The following RTN4RL1 variants were observed in gnomAD, a reference collection of about 807,000 sequenced individuals.
RTN4RL1 encodes the protein reticulon-4 receptor-like 1.
In RTN4RL1, 7 loss-of-function variants were observed where a neutral mutation model predicts 25.6. That is an observed-to-expected ratio of 0.27 (90% CI 0.16 to 0.51). RTN4RL1 has a LOEUF of 0.51. RTN4RL1 is among the 20% of genes least tolerant of loss of function. The pLI is 0.97. For missense variants in RTN4RL1, 500 were observed against 615.6 expected, an observed-to-expected ratio of 0.81 and a Z score of 1.99; for synonymous variants, 297 against 288.2, an observed-to-expected ratio of 1.03 and a Z score of -0.31.
rs61660812 is a variant in RTN4RL1 at position 1,950,846 on chromosome 17, C to CAAA, written c.14-13041_14-13039dup. Among the ~76,000 whole-genome samples the CAAA allele has an allele frequency of 1.2e-3, 21 of 17,798 alleles. 3 individuals are homozygous for CAAA. Among genetic ancestry groups the CAAA allele is most frequent in the African/African-American group, 1.9e-3 (12 of 6,232 alleles). The allele number at this position is 17,798 out of a possible 152,430, so 11.7% of individuals were successfully genotyped here. ...GGGCGACAGAGTGAGACACAGTCTCCAAAAAAAAAAAAAAAAAAAAAAAAA... is the reference window on the plus strand; with the variant it reads ...GGGCGACAGAGTGAGACACAGTCTCCAAAAAAAAAAAAAAAAAAAAAAAAAAAA... On this transcript the variant is annotated intron_variant, in intron 1 of 1. Transcript: ENST00000331238.
At position 2,025,022 on chromosome 17, in the gene RTN4RL1, G is replaced by A; in HGVS notation, c.-157C>T. The A allele has an allele frequency of 1.5e-6, 1 of 680,644 alleles. No homozygotes were observed. Among genetic ancestry groups the A allele is most frequent in the Admixed American group, 3.3e-5 (1 of 30,658 alleles). 42.2% of individuals were successfully genotyped at this position (680,644 alleles called of 1,614,324 possible). On this transcript the variant is annotated 5_prime_UTR_variant, in exon 1 of 2. Coordinates refer to ENST00000331238, the MANE Select transcript of RTN4RL1 (RefSeq NM_178568.4). This position sits in a 1 kb window ranked among gnomAD's most constrained non-coding sequence, Gnocchi z 4.8. ...TGCCCGGTGGCCCGGCCCCGCAGGGGCATGGTGAGCTCCAGCCCCGCGCCG... is the reference window on the plus strand; with the variant it reads ...TGCCCGGTGGCCCGGCCCCGCAGGGACATGGTGAGCTCCAGCCCCGCGCCG...
At chr17:1,992,168 T>G (rs1372743047) in intron 1 of RTN4RL1, among the ~76,000 whole-genome samples, 1 of 151,684 alleles carries the variant, frequency 6.6e-6, no homozygotes, top group Non-Finnish European at 1.5e-5. Flanking sequence ...AACGAGACCA[T>G]CCTGGCTAAC....
At position 1,991,455 on chromosome 17, in the gene RTN4RL1, AAAAAAAAAC is replaced by A. The variant is rs1034423062; in HGVS notation, c.13+33389_13+33397del. 4.1e-5 allele frequency among the ~76,000 whole-genome samples: 6 copies of A among 144,590 alleles called. No homozygotes were observed. In the South Asian group the frequency reaches 8.8e-4, roughly 21 times the overall value. The allele number at this position is 144,590 out of a possible 152,430, so 94.9% of individuals were successfully genotyped here. ...TAATACATGCACATAGTAAAAAAAA[AAAAAAAAAC>A]AAAAAAAAACTTCAAAGAACACAAA... On this transcript the variant is annotated intron_variant, in intron 1 of 1. Transcript: ENST00000331238.
intron 1 of RTN4RL1, among the ~76,000 whole-genome samples, chr17:1,983,781 A>G (rs1023700559): frequency 2.6e-5 from 4 of 152,016 alleles, no homozygotes; most frequent in South Asian, 2.1e-4. Flanking sequence ...GGCTCAAGCA[A>G]TCCTCCCACC....
chr17:2,018,401 G>T (rs1160954038), intron 1 of RTN4RL1, among the ~76,000 whole-genome samples: 1 of 152,220 alleles, frequency 6.6e-6, no homozygotes, highest in Admixed American at 6.5e-5. Flanking sequence ...GACACCGGGG[G>T]AGAGGGAGTA....
Position 1,937,806 on chromosome 17 carries a change from A to G in RTN4RL1, c.16T>C (p.Cys6Arg), listed in dbSNP as rs1228214533. Reference protein sequence around the residue: MLRKGCCVELLLLLVA... With the variant: MLRKGRCVELLLLLVA... ...AACAGCAGCAGCAACTCCACACAGC[A>G]CCCTGGCAGGGAGAGAGAGCACAGC... Residue 6 changes from cysteine to arginine, a missense_variant and splice_region_variant, in exon 2 of 2, where the codon TGC becomes CGC. Physicochemically the swap from Cys to Arg is radical, Grantham distance 180. Around this residue, in one of 2 missense-constraint regions of RTN4RL1, gnomAD observed 232 missense variants for 341.1 expected, o/e 0.68. Coordinates refer to ENST00000331238, the MANE Select transcript of RTN4RL1 (RefSeq NM_178568.4). 1 of 1,581,572 alleles carries G rather than the reference A, an allele frequency of 6.3e-7. No individual in the cohort carries two copies. The highest frequency in any genetic ancestry group is 8.6e-7 in the Non-Finnish European group (1 of 1,167,034).
chr17:1,966,230 C>T (rs189554776), intron 1 of RTN4RL1, among the ~76,000 whole-genome samples: 3 of 152,336 alleles, frequency 2.0e-5, no homozygotes, highest in Admixed American at 2.0e-4. Context: ...CCCAGTGTGA[C>T]TGAGAGCTGA....
At position 1,989,101 on chromosome 17, in the gene RTN4RL1, CA is replaced by C. The variant is rs1351034494; in HGVS notation, c.13+35751del. Among the ~76,000 whole-genome samples, 9 of 152,224 alleles carry C rather than the reference CA, an allele frequency of 5.9e-5. No homozygotes were observed. The East Asian group carries it at 1.7e-3, about 29-fold the overall frequency. ...GAGACCAGAGAGTAATCTAGACCAC[CA>C]ATCAGGAGGCTACTGCAGTAGTCCA... On this transcript the variant is annotated intron_variant, in intron 1 of 1. Coordinates refer to ENST00000331238, the MANE Select transcript of RTN4RL1 (RefSeq NM_178568.4).
chr17:1,961,702 C>G (rs1449036094), intron 1 of RTN4RL1, among the ~76,000 whole-genome samples: 1 of 141,320 alleles, frequency 7.1e-6, no homozygotes, highest in African/African-American at 2.6e-5. Flanking sequence ...CCGATGCGGG[C>G]AGATCACTTG....
intron 1 of RTN4RL1, among the ~76,000 whole-genome samples, chr17:1,953,355 A>C (rs899993664): frequency 2.0e-5 from 3 of 152,034 alleles, no homozygotes; most frequent in Non-Finnish European, 2.9e-5. Flanking sequence ...GCAGTGAGCC[A>C]TGATTACACC....
chr17:1,935,439 T>C lies in RTN4RL1; in HGVS notation c.*1057A>G. On this transcript the variant is annotated 3_prime_UTR_variant, in exon 2 of 2. Coordinates refer to ENST00000331238, the MANE Select transcript of RTN4RL1 (RefSeq NM_178568.4). ...TATAAAAACAAGGTGATGCTCTAAATATCTAAGAATATTGGTCCCCCAAAG... is the reference window on the plus strand; with the variant it reads ...TATAAAAACAAGGTGATGCTCTAAACATCTAAGAATATTGGTCCCCCAAAG... The C allele has an allele frequency of 3.7e-6, 2 of 536,942 alleles. No individual in the cohort carries two copies. The highest frequency in any genetic ancestry group is 4.8e-6 in the Non-Finnish European group (2 of 420,070). 33.3% of individuals were successfully genotyped at this position (536,942 alleles called of 1,614,324 possible).
intron 1 of RTN4RL1, among the ~76,000 whole-genome samples, chr17:2,006,798 T>A (rs1234327375): frequency 3.3e-5 from 5 of 152,110 alleles, no homozygotes; most frequent in African/African-American, 1.2e-4. Context: ...TTTTTGCATT[T>A]ATTTTTTTTA....
intron 1 of RTN4RL1, among the ~76,000 whole-genome samples, chr17:1,946,561 T>C (rs1292700876): frequency 1.3e-5 from 2 of 150,816 alleles, no homozygotes; most frequent in Non-Finnish European, 2.9e-5. Flanking sequence ...TGTGTGTCTC[T>C]GTGTGAATGT....
At chr17:1,986,764 A>C (rs2066889207) in intron 1 of RTN4RL1, among the ~76,000 whole-genome samples, 1 of 150,132 alleles carries the variant, frequency 6.7e-6, no homozygotes, top group African/African-American at 2.5e-5. Context: ...AAAAAAATTC[A>C]TAGCCAGGAG....
intron 1 of RTN4RL1, among the ~76,000 whole-genome samples, chr17:1,983,153 C>T (rs1567516387): frequency 6.6e-6 from 1 of 151,884 alleles, no homozygotes; most frequent in Admixed American, 6.6e-5. Context: ...CAGGTTCAAG[C>T]GATTACAGTA....
Position 1,937,741 on chromosome 17 carries a change from C to G in RTN4RL1, c.81G>C (p.Arg27=). The G allele has an allele frequency of 6.2e-7, 1 of 1,608,246 alleles. No homozygotes were observed. The highest frequency in any genetic ancestry group is 8.5e-7 in the Non-Finnish European group (1 of 1,179,580). ...TGGGCGCCGGGTAGCACACACAGTC[C>G]CGTGGGCAGCCACCACCCAGGGGCA... is the stretch of plus-strand genomic sequence containing the variant. ...AELPLGGGCP[R]DCVCYPAPMT... is the part of the protein sequence containing the mutation. Residue 27 remains arginine (R), a synonymous_variant, in exon 2 of 2, where the codon CGG becomes CGC. Coordinates refer to ENST00000331238, the MANE Select transcript of RTN4RL1 (RefSeq NM_178568.4).
intron 1 of RTN4RL1, among the ~76,000 whole-genome samples, chr17:1,982,989 G>A (rs895391601): frequency 3.3e-5 from 5 of 152,182 alleles, no homozygotes; most frequent in South Asian, 4.1e-4. Flanking sequence ...AACTGGGCAA[G>A]TGCCTCTGGG....
At chr17:1,988,991 G>A (rs1300185383) in intron 1 of RTN4RL1, among the ~76,000 whole-genome samples, 1 of 152,146 alleles carries the variant, frequency 6.6e-6, no homozygotes, top group Non-Finnish European at 1.5e-5. Flanking sequence ...AAGAGCCGTG[G>A]GAAGCCACTA....
At chr17:1,945,773 G>A (rs936132110) in intron 1 of RTN4RL1, among the ~76,000 whole-genome samples, 1 of 152,214 alleles carries the variant, frequency 6.6e-6, no homozygotes, top group Non-Finnish European at 1.5e-5. Flanking sequence ...GAGGACGGTG[G>A]TTTTGCCTGC....
Sources: allele counts gnomAD v4.1 joint callset (sites outside exome capture counted in the v4.1 genomes callset), GRCh38; gene constraint gnomAD v4.1.1; regional missense constraint gnomAD v4.1.1; non-coding constraint Gnocchi (gnomAD v3.1); transcripts MANE v1.5; gene names NCBI Gene and HGNC (gene_info 2026-07-23, HGNC 2026-07-21).